The following NDUFA10 variants were observed in gnomAD, a reference collection of about 807,000 sequenced individuals.
The protein encoded by NDUFA10 is NADH dehydrogenase [ubiquinone] 1 alpha subcomplex subunit 10, mitochondrial.
A neutral mutation model predicts 47.8 loss-of-function variants in NDUFA10; 40 were observed. That is an observed-to-expected ratio of 0.84 (90% confidence interval 0.65 to 1.09). The LOEUF (loss-of-function observed/expected upper bound fraction) is 1.09, where lower values mean the gene tolerates loss of function less well. Among genes scored for constraint, NDUFA10 ranks in the 50% least tolerant of loss-of-function variants. The pLI is 0.00. For missense variants in NDUFA10, 413 were observed against 451.1 expected (o/e 0.92, Z 0.76); for synonymous variants, 183 against 172.2 (o/e 1.06, Z -0.49).
In NDUFA10 at chr2:239,905,576, C is replaced by T. The variant is rs112355303; in HGVS notation, c.295-10262G>A. Among the ~76,000 whole-genome samples the T allele has an allele frequency of 3.4e-3, 518 of 152,294 alleles. 6 individuals are homozygous for T. Among genetic ancestry groups the T allele is most frequent in the African/African-American group, 0.012 (487 of 41,554 alleles). On this transcript the variant is annotated intron_variant, in intron 4 of 5. Coordinates refer to the NDUFA10 transcript ENST00000419408. ...TGACATGTTCTTCACGGGATGCTGC[C>T]GCGTCGGGGGGTTTACGCAGCAAAG...
At chr2:239,950,399 G>A (rs566920015) in intron 4 of NDUFA10, among the ~76,000 whole-genome samples, 13 of 152,296 alleles carry the variant, frequency 8.5e-5, no homozygotes, top group Admixed American at 5.2e-4. Flanking sequence ...TTTTTCAGAC[G>A]GCTCCAGTCC....
intron 9 of NDUFA10, among the ~76,000 whole-genome samples, chr2:239,977,809 C>T (rs183959856): frequency 6.6e-6 from 1 of 152,340 alleles, no homozygotes; most frequent in East Asian, 1.9e-4. Context: ...CCAACGTGGT[C>T]ACTGGGCCTG....
chr2:239,895,867 T>C (rs904824759), intron 4 of NDUFA10, among the ~76,000 whole-genome samples: 5 of 152,222 alleles, frequency 3.3e-5, no homozygotes, highest in African/African-American at 1.2e-4. Flanking sequence ...TGCCTGCAGC[T>C]TACTGGTGAA....
intron 4 of NDUFA10, among the ~76,000 whole-genome samples, chr2:239,902,221 A>G (rs1693565289): frequency 6.6e-6 from 1 of 152,238 alleles, no homozygotes; most frequent in African/African-American, 2.4e-5. Context: ...TTCATGAAAG[A>G]AAGTGTCAAC....
intron 4 of NDUFA10, among the ~76,000 whole-genome samples, chr2:239,949,639 G>A (rs62185252): frequency 0.42 from 63,824 of 151,634 alleles, 13,994 homozygotes; most frequent in East Asian, 0.61. Flanking sequence ...GACAACAGGC[G>A]CGTGCCACCA....
intron 9 of NDUFA10, among the ~76,000 whole-genome samples, chr2:239,975,870 A>C (rs1695496966): frequency 6.6e-6 from 1 of 152,060 alleles, no homozygotes; most frequent in Non-Finnish European, 1.5e-5. Flanking sequence ...TGGATCCCAG[A>C]CCGTCGGTTC....
chr2:239,963,278 G>C (rs1366758485), intron 9 of NDUFA10, among the ~76,000 whole-genome samples: 2 of 152,252 alleles, frequency 1.3e-5, no homozygotes, highest in South Asian at 2.1e-4. Flanking sequence ...GATCCCAGGA[G>C]GGGGCGCAGG....
intron 9 of NDUFA10, among the ~76,000 whole-genome samples, chr2:239,974,010 C>T (rs946922031): frequency 1.3e-5 from 2 of 152,036 alleles, no homozygotes; most frequent in African/African-American, 4.8e-5. Context: ...CACTGCAACC[C>T]CCGCCTCCTG....
intron 4 of NDUFA10, among the ~76,000 whole-genome samples, chr2:239,922,871 G>C (rs1028366014): frequency 6.6e-6 from 1 of 152,204 alleles, no homozygotes; most frequent in Non-Finnish European, 1.5e-5. Context: ...CCACACCTTT[G>C]CGAAGTAGAA....
At chr2:239,900,145 G>T (rs142889676) in intron 4 of NDUFA10, among the ~76,000 whole-genome samples, 89 of 152,140 alleles carry the variant, frequency 5.8e-4, no homozygotes, top group African/African-American at 1.8e-3. Context: ...ACTTACATCA[G>T]TGGTTTGCCA....
intron 4 of NDUFA10, among the ~76,000 whole-genome samples, chr2:239,950,308 A>T (rs1310576775): frequency 6.6e-6 from 1 of 152,078 alleles, no homozygotes; most frequent in Non-Finnish European, 1.5e-5. Context: ...CAGGCCCCCG[A>T]GTCCTTGAGC....
At position 239,959,361 on chromosome 2, in the gene NDUFA10, C is replaced by T; in HGVS notation, c.*1757G>A. ...GTGCAACCACCAAGGTTGAAGGAAACAGCTAGCTCTTTGCAGCCAAAGACA... is the reference window on the plus strand; with the variant it reads ...GTGCAACCACCAAGGTTGAAGGAAATAGCTAGCTCTTTGCAGCCAAAGACA... On this transcript the variant is annotated 3_prime_UTR_variant, in exon 10 of 10. Coordinates refer to ENST00000252711, the MANE Select transcript of NDUFA10 (RefSeq NM_004544.4). 1 of 985,510 alleles carries T rather than the reference C, an allele frequency of 1.0e-6. No individual in the cohort carries two copies. The highest frequency in any genetic ancestry group is 5.2e-4 in the Middle Eastern group (1 of 1,914). 61.0% of individuals were successfully genotyped at this position (985,510 alleles called of 1,614,324 possible).
chr2:239,998,712 G>A (rs1200743379), intron 8 of NDUFA10, among the ~76,000 whole-genome samples: 2 of 152,164 alleles, frequency 1.3e-5, no homozygotes, highest in African/African-American at 2.4e-5. Flanking sequence ...TAAAAATTAC[G>A]GGCAGTGAGT....
At chr2:239,939,558 A>G (rs533463795) in intron 4 of NDUFA10, among the ~76,000 whole-genome samples, 1 of 152,372 alleles carries the variant, frequency 6.6e-6, no homozygotes, top group African/African-American at 2.4e-5. Context: ...GGGGATAAAG[A>G]TTATACAAGT....
intron 4 of NDUFA10, among the ~76,000 whole-genome samples, chr2:239,951,486 G>C (rs1292573349): frequency 6.6e-6 from 1 of 152,176 alleles, no homozygotes; most frequent in African/African-American, 2.4e-5. Flanking sequence ...AAAAATGCCC[G>C]TGCTGGGCAG....
chr2:239,990,022 A>T, intron 9 of NDUFA10, 52 bp downstream of exon 9: 2 of 1,299,014 alleles, frequency 1.5e-6, no homozygotes, highest in South Asian at 2.4e-5. Context: ...CATTGTCCCC[A>T]GGTGCTGCAG....
At chr2:239,905,859 GGGGA>G (rs1693646043) in intron 4 of NDUFA10, among the ~76,000 whole-genome samples, 1 of 139,240 alleles carries the variant, frequency 7.2e-6, no homozygotes, top group Admixed American at 7.0e-5. Context: ...GGGGAGGGGA[GGGGA>G]GCAGCCTGGG....
At chr2:240,014,523 T>C in intron 5 of NDUFA10, 1 of 654,226 alleles carries the variant, frequency 1.5e-6, no homozygotes, top group Non-Finnish European at 2.7e-6. Context: ...CGCAGAGCAC[T>C]GGTGGGCGGC....
intron 4 of NDUFA10, among the ~76,000 whole-genome samples, chr2:239,947,653 C>A (rs373894074): frequency 2.2e-4 from 34 of 152,302 alleles, no homozygotes; most frequent in African/African-American, 7.9e-4. Context: ...AGGGTCCTCC[C>A]GGGGCTCCTC....
Sources: allele counts gnomAD v4.1 joint callset (sites outside exome capture counted in the v4.1 genomes callset), GRCh38; gene constraint gnomAD v4.1.1; transcripts MANE v1.5; gene names NCBI Gene and HGNC (gene_info 2026-07-23, HGNC 2026-07-21).